Variants in AFDN observed in about 807,000 individuals in gnomAD.
The protein encoded by AFDN is afadin.
Under a neutral mutation model 216.6 loss-of-function variants are expected in AFDN, and 68 were observed. The ratio of observed to expected loss-of-function variants is 0.31; its 90% CI spans 0.26 to 0.38. The LOEUF is 0.38. AFDN is among the 10% of genes least tolerant of loss of function. AFDN has a pLI of 1.00. For synonymous variants in AFDN, 868 were observed against 853.7 expected, an observed-to-expected ratio of 1.02 and a Z score of -0.29; for missense variants, 2,136 against 2,342.0, an observed-to-expected ratio of 0.91 and a Z score of 1.82.
At chr6:167,836,224 A>G (rs1562526233) in intron 1 of AFDN, among the ~76,000 whole-genome samples, 1 of 152,214 alleles carries the variant, frequency 6.6e-6, no homozygotes, top group Admixed American at 6.5e-5. Flanking sequence ...TTCTACTTAT[A>G]GATCTTGTAG....
chr6:167,882,787 C>A (rs148937995), intron 6 of AFDN, among the ~76,000 whole-genome samples: 2,155 of 152,234 alleles, frequency 0.014, 27 homozygotes, highest in Non-Finnish European at 0.023. Context: ...ATTGCTTTGA[C>A]AAAGACCCAA....
Position 167,922,876 on chromosome 6 carries a change from C to G in AFDN, c.2929C>G (p.His977Asp). Residue 977 changes from histidine to aspartate, a missense_variant, in exon 22 of 34, where the codon CAC (histidine) becomes GAC (aspartate). Physicochemically the swap from His to Asp is moderately conservative, Grantham distance 81. Coordinates refer to ENST00000683244, the MANE Select transcript of AFDN (RefSeq NM_001386888.1). ...CTTAGGATTTTGCAGGTTAATTCCT[C>G]ACACACGTTCACCAGGTACTTGGAC... ...CQRGFCRLIP[H>D]TRSPGTWTIY... 6.2e-7 allele frequency: 1 copy of G among 1,612,500 alleles called. No individual in the cohort carries two copies. Among genetic ancestry groups the G allele is most frequent in the Non-Finnish European group, 8.5e-7 (1 of 1,179,256 alleles).
chr6:167,911,612 T>C lies in AFDN; in HGVS notation c.2037+123T>C, dbSNP rs116723280. ...AGATTTTTTTCTAAAATAAAAGTTA[T>C]GTAAATATTGTAGGAAAATGTATAA... On this transcript the variant is annotated intron_variant, in intron 15 of 33. Coordinates refer to ENST00000683244, the MANE Select transcript of AFDN (RefSeq NM_001386888.1). 2,170 of 812,570 alleles carry C rather than the reference T, an allele frequency of 2.7e-3. 17 individuals carry two copies. The African/African-American group carries it at 0.031, about 12-fold the overall frequency. 50.3% of individuals were successfully genotyped at this position (812,570 alleles called of 1,614,324 possible).
intron 12 of AFDN, among the ~76,000 whole-genome samples, chr6:167,903,929 T>G (rs1428274467): frequency 6.6e-6 from 1 of 152,206 alleles, no homozygotes; most frequent in Non-Finnish European, 1.5e-5. Flanking sequence ...ACCACGTACT[T>G]GATGCACTTT....
At chr6:167,834,487 TA>T (rs1780201795) in intron 1 of AFDN, among the ~76,000 whole-genome samples, 3 of 92,532 alleles carry the variant, frequency 3.2e-5, no homozygotes, top group African/African-American at 1.3e-4. Flanking sequence ...TTTCGAAAGG[TA>T]TAAAACGTGA....
chr6:167,965,252 C>G (rs1386062432), intron 31 of AFDN: 7 of 217,436 alleles, frequency 3.2e-5, no homozygotes, highest in Non-Finnish European at 5.4e-5. Context: ...AAGGACTGCT[C>G]TTCTGCATTC....
At chr6:167,920,975 G>T (rs1031286159) in intron 21 of AFDN, among the ~76,000 whole-genome samples, 1 of 152,128 alleles carries the variant, frequency 6.6e-6, no homozygotes, top group East Asian at 1.9e-4. Context: ...TTTCAAACGC[G>T]TGCCGCTGTC....
At chr6:167,950,392 C>CTGTGTGTG (rs201112836) in intron 29 of AFDN, among the ~76,000 whole-genome samples, 1,938 of 139,306 alleles carry the variant, frequency 0.014, 25 homozygotes, top group South Asian at 0.047. Flanking sequence ...TCATTTTTCT[C>CTGTGTGTG]TGTGTCTGTG....
At chr6:167,922,293 ATTC>A in intron 21 of AFDN, among the ~76,000 whole-genome samples, 1 of 152,240 alleles carries the variant, frequency 6.6e-6, no homozygotes, top group South Asian at 2.1e-4. Flanking sequence ...TTATAAAATG[ATTC>A]TGAACTTTAT....
chr6:167,875,272 A>T (rs1269425058), intron 4 of AFDN, 63 bp from the exon 5 acceptor site: 2 of 1,505,430 alleles, frequency 1.3e-6, no homozygotes, highest in African/African-American at 2.8e-5. Flanking sequence ...TGCGGTTGCA[A>T]TGTGTCTATT....
chr6:167,848,697 C>T (rs1313416444), intron 1 of AFDN, among the ~76,000 whole-genome samples: 1 of 152,124 alleles, frequency 6.6e-6, no homozygotes, highest in Non-Finnish European at 1.5e-5. Context: ...AGTCTTCACC[C>T]TCCTCAATAT....
intron 23 of AFDN, among the ~76,000 whole-genome samples, chr6:167,934,832 G>A (rs892604981): frequency 3.9e-5 from 6 of 152,206 alleles, no homozygotes; most frequent in African/African-American, 1.4e-4. Context: ...CTCCCTGTGC[G>A]TGTGGGGAGA....
chr6:167,914,102 A>T, intron 16 of AFDN, 66 bp from the exon 17 acceptor site: 1 of 1,559,574 alleles, frequency 6.4e-7, no homozygotes, highest in Non-Finnish European at 8.8e-7. Flanking sequence ...TTTCAAGAGC[A>T]TTCCTTTATA....
In AFDN at chr6:167,875,359, G is replaced by C; in HGVS notation, c.603G>C (p.Glu201Asp). 6.2e-7 allele frequency: 1 copy of C among 1,612,848 alleles called. No individual in the cohort carries two copies. The highest frequency in any genetic ancestry group is 8.5e-7 in the Non-Finnish European group (1 of 1,179,602). The change falls in exon 5 of 34, where the codon GAG becomes GAC. Residue 201 changes from glutamate to aspartate, a missense_variant. Glu to Asp is a conservative substitution (Grantham distance 45, BLOSUM62 2). Coordinates refer to ENST00000683244, the MANE Select transcript of AFDN (RefSeq NM_001386888.1). ...EDVENSRLAA[E>D]VYKDMPETSF... Reference sequence around the variant, plus strand: ...GTGAAAATTCTCGACTGGCTGCTGAGGTTTACAAAGACATGCCGGAAACCA... The same window carrying C: ...GTGAAAATTCTCGACTGGCTGCTGACGTTTACAAAGACATGCCGGAAACCA...
intron 6 of AFDN, among the ~76,000 whole-genome samples, chr6:167,884,515 T>C (rs1786533894): frequency 6.6e-6 from 1 of 152,206 alleles, no homozygotes; most frequent in African/African-American, 2.4e-5. Flanking sequence ...AAAACAATGT[T>C]AATCTTGTAC....
chr6:167,923,984 A>G (rs1383655710), intron 22 of AFDN, among the ~76,000 whole-genome samples: 1 of 152,182 alleles, frequency 6.6e-6, no homozygotes, highest in Non-Finnish European at 1.5e-5. Flanking sequence ...TAACAGCAGC[A>G]ACTTCTGTTT....
chr6:167,916,970 C>A, intron 19 of AFDN, 119 bp from the exon 20 acceptor site: 1 of 851,866 alleles, frequency 1.2e-6, no homozygotes, highest in Non-Finnish European at 1.8e-6. Context: ...TTCCTGAAAT[C>A]ATTCTGCATT....
intron 1 of AFDN, among the ~76,000 whole-genome samples, chr6:167,834,839 A>G (rs1320799238): frequency 6.6e-6 from 1 of 151,840 alleles, no homozygotes; most frequent in Non-Finnish European, 1.5e-5. Context: ...AAAAATTAAC[A>G]AGCAGGGTGG....
chr6:167,874,346 G>C (rs1583238189), intron 4 of AFDN, among the ~76,000 whole-genome samples: 1 of 152,046 alleles, frequency 6.6e-6, no homozygotes, highest in South Asian at 2.1e-4. Flanking sequence ...TTGATTAAAA[G>C]CTTGACTATT....
Sources: allele counts gnomAD v4.1 joint callset (sites outside exome capture counted in the v4.1 genomes callset), GRCh38; gene constraint gnomAD v4.1.1; transcripts MANE v1.5; gene names NCBI Gene and HGNC (gene_info 2026-07-23, HGNC 2026-07-21).